RNF121: variants seen among roughly 807,000 people sequenced by gnomAD.
The protein encoded by RNF121 is ring finger protein 121.
Under a neutral mutation model 46.5 loss-of-function variants are expected in RNF121, and 21 were observed. The ratio of observed to expected loss-of-function variants is 0.45; its 90% CI spans 0.32 to 0.65. RNF121 has a LOEUF of 0.65. Among genes scored for constraint, RNF121 ranks in the 30% least tolerant of loss-of-function variants. RNF121 has a pLI of 0.04. For missense variants in RNF121, 346 were observed against 416.0 expected (o/e 0.83, Z 1.46); for synonymous variants, 139 against 144.7 (o/e 0.96, Z 0.28).
In RNF121 at chr11:71,929,144, G is replaced by A; in HGVS notation, c.63+20G>A. 1 of 1,549,492 alleles carries A rather than the reference G, an allele frequency of 6.5e-7. No individual in the cohort carries two copies. Among genetic ancestry groups the A allele is most frequent in the Non-Finnish European group, 8.7e-7 (1 of 1,145,880 alleles). ...GATGAGGTAAGCGGAGTTGAGAGAC[G>A]AGGAGAGACTCAACCTGAGACTGAG... On this transcript the variant is annotated intron_variant, in intron 1 of 8. Transcript: ENST00000361756.
intron 4 of RNF121, among the ~76,000 whole-genome samples, chr11:71,986,483 C>T (rs1954772688): frequency 6.6e-6 from 1 of 152,138 alleles, no homozygotes; most frequent in African/African-American, 2.4e-5. Context: ...AAATACAAAG[C>T]ATAGCTGGGT....
intron 5 of RNF121, among the ~76,000 whole-genome samples, chr11:71,987,470 T>C (rs1373936743): frequency 6.6e-6 from 1 of 152,224 alleles, no homozygotes; most frequent in African/African-American, 2.4e-5. Context: ...ATTTGCAGCA[T>C]CCACTCTGCA....
At chr11:71,990,858 A>G (rs762787173) in intron 6 of RNF121, 141 bp downstream of exon 6, 70 of 980,342 alleles carry the variant, frequency 7.1e-5, no homozygotes, top group Non-Finnish European at 1.0e-4. Flanking sequence ...ATGCATGGAC[A>G]TTCCTTCCTT....
chr11:71,940,086 G>A (rs892919609), intron 1 of RNF121, among the ~76,000 whole-genome samples: 2 of 152,166 alleles, frequency 1.3e-5, no homozygotes, highest in African/African-American at 2.4e-5. Flanking sequence ...TTTAGGCCAA[G>A]GTAAAAGCAT....
At chr11:71,941,404 T>C (rs544795903) in intron 1 of RNF121, among the ~76,000 whole-genome samples, 1 of 152,272 alleles carries the variant, frequency 6.6e-6, no homozygotes, top group African/African-American at 2.4e-5. Flanking sequence ...GTATTAATTA[T>C]TCATTATTTC....
chr11:71,988,569 T>C (rs1443774563), intron 5 of RNF121, among the ~76,000 whole-genome samples: 1 of 150,272 alleles, frequency 6.7e-6, no homozygotes, highest in Non-Finnish European at 1.5e-5. Context: ...TTTGGAAGGC[T>C]GAGGCAGGAG....
chr11:71,957,416 G>A (rs1417009665), intron 2 of RNF121, 152 bp downstream of exon 2: 1 of 680,612 alleles, frequency 1.5e-6, no homozygotes, highest in African/African-American at 1.8e-5. Flanking sequence ...CTAAGTATCT[G>A]GGTTGCTCTC....
intron 4 of RNF121, among the ~76,000 whole-genome samples, chr11:71,986,787 AAAG>A (rs1232676746): frequency 2.6e-5 from 4 of 151,646 alleles, no homozygotes; most frequent in East Asian, 3.9e-4. Flanking sequence ...AAAAAAAAAA[AAAG>A]AAAAAAAATA....
At chr11:71,984,815 G>T (rs113481955) in intron 4 of RNF121, among the ~76,000 whole-genome samples, 417 of 135,620 alleles carry the variant, frequency 3.1e-3, no homozygotes, top group Non-Finnish European at 5.4e-3. Context: ...TGGCCAGGCT[G>T]ACCTCAAGTG....
At chr11:71,996,160 T>G (rs201611382) in intron 8 of RNF121, 35 bp from the exon 9 acceptor site, 1 of 1,612,842 alleles carries the variant, frequency 6.2e-7, no homozygotes, top group East Asian at 2.2e-5. Flanking sequence ...CTGGCAGCTC[T>G]TGCACAGAGT....
chr11:71,961,258 A>G (rs1017458940), intron 3 of RNF121, among the ~76,000 whole-genome samples: 11 of 152,178 alleles, frequency 7.2e-5, no homozygotes, highest in African/African-American at 2.7e-4. Flanking sequence ...GATTACACTA[A>G]TCTAAATTTT....
intron 2 of RNF121, among the ~76,000 whole-genome samples, chr11:71,957,773 T>A (rs996937042): frequency 6.6e-6 from 1 of 152,186 alleles, no homozygotes; most frequent in Non-Finnish European, 1.5e-5. Flanking sequence ...TTCTCAACTC[T>A]GCAACTAACT....
chr11:71,946,596 TGGTTACCA>T (rs1953724450), intron 1 of RNF121, among the ~76,000 whole-genome samples: 1 of 150,802 alleles, frequency 6.6e-6, no homozygotes, highest in Non-Finnish European at 1.5e-5. Flanking sequence ...AAGAAATTAA[TGGTTACCA>T]GGGCTTGGGG....
intron 6 of RNF121, among the ~76,000 whole-genome samples, chr11:71,993,208 C>T (rs937495022): frequency 4.6e-5 from 7 of 152,222 alleles, no homozygotes; most frequent in African/African-American, 1.4e-4. Flanking sequence ...AACCAGTTTA[C>T]TCCCCAGAAG....
intron 1 of RNF121, among the ~76,000 whole-genome samples, chr11:71,949,001 A>G (rs958068499): frequency 2.6e-5 from 4 of 152,200 alleles, no homozygotes; most frequent in Non-Finnish European, 4.4e-5. Context: ...CATTTTGTGT[A>G]TATGTCAAAG....
intron 1 of RNF121, among the ~76,000 whole-genome samples, chr11:71,952,893 G>A (rs1201958655): frequency 6.6e-6 from 1 of 152,056 alleles, no homozygotes; most frequent in Non-Finnish European, 1.5e-5. Context: ...AACATTTTTT[G>A]TGGTGACTAC....
At chr11:71,959,913 G>C (rs1206015356) in intron 2 of RNF121, among the ~76,000 whole-genome samples, 1 of 152,186 alleles carries the variant, frequency 6.6e-6, no homozygotes, top group Admixed American at 6.5e-5. Flanking sequence ...TGGGATTACA[G>C]GTGTGAGCCA....
At chr11:71,948,451 G>A (rs1953778265) in intron 1 of RNF121, among the ~76,000 whole-genome samples, 1 of 137,188 alleles carries the variant, frequency 7.3e-6, no homozygotes, top group Admixed American at 8.2e-5. Flanking sequence ...GAAGGTAGAG[G>A]TTGCAGTGAC....
At chr11:71,933,634 C>T (rs1953328864) in intron 1 of RNF121, among the ~76,000 whole-genome samples, 1 of 152,170 alleles carries the variant, frequency 6.6e-6, no homozygotes, top group Non-Finnish European at 1.5e-5. Flanking sequence ...GATTGGGTGA[C>T]CCCACTTCAT....
Sources: gnomAD v4.1 joint callset for allele counts (sites outside exome capture counted in the v4.1 genomes callset) on GRCh38, gnomAD v4.1.1 for gene constraint, MANE v1.5 for transcripts, NCBI Gene and HGNC (gene_info 2026-07-23, HGNC 2026-07-21) for gene names.